Variants in COP1 observed in about 807,000 individuals in gnomAD.
COP1 encodes COP1 E3 ubiquitin ligase.
COP1 carries 24 observed loss-of-function variants against 101.3 expected under a neutral mutation model. The observed-to-expected ratio is 0.24, with a 90% CI of 0.17 to 0.33. The LOEUF (loss-of-function observed/expected upper bound fraction) is 0.33, where lower values mean the gene tolerates loss of function less well. Ranked by LOEUF, COP1 falls within the 10% of genes least tolerant of loss-of-function variation. COP1 has a pLI of 1.00. For synonymous variants in COP1, 347 were observed against 341.9 expected (o/e 1.01, Z -0.17); for missense variants, 663 against 906.2 (o/e 0.73, Z 3.45).
At chr1:176,123,037 G>T (rs954272879) in intron 8 of COP1, among the ~76,000 whole-genome samples, 4 of 152,112 alleles carry the variant, frequency 2.6e-5, no homozygotes, top group Admixed American at 2.0e-4. Flanking sequence ...TGGTTTATTT[G>T]ACTAGTTTGT....
intron 1 of COP1, among the ~76,000 whole-genome samples, chr1:176,200,038 T>C (rs1203297632): frequency 2.6e-5 from 4 of 152,194 alleles, no homozygotes; most frequent in African/African-American, 4.8e-5. Context: ...CTGAGCCAAA[T>C]TGTCTGAATA....
intron 11 of COP1, among the ~76,000 whole-genome samples, chr1:176,063,704 T>C (rs192132475): frequency 6.6e-6 from 1 of 152,338 alleles, no homozygotes; most frequent in East Asian, 1.9e-4. Context: ...TGCCTAAACA[T>C]AGGTTAGCTT....
intron 11 of COP1, among the ~76,000 whole-genome samples, chr1:176,072,077 T>A (rs926186832): frequency 2.8e-4 from 42 of 152,242 alleles, no homozygotes; most frequent in Non-Finnish European, 8.8e-5. Context: ...ATGTTTTGAA[T>A]TACCATAGAA....
chr1:176,168,507 AGGG>A (rs767277667), intron 3 of COP1, among the ~76,000 whole-genome samples: 1 of 1,944 alleles, frequency 5.1e-4, no homozygotes, highest in African/African-American at 7.2e-4. Flanking sequence ...GAAGGAAGGG[AGGG>A]AGGGAGGGAG....
chr1:176,131,398 G>C (rs1475524038), intron 8 of COP1, among the ~76,000 whole-genome samples: 1 of 151,754 alleles, frequency 6.6e-6, no homozygotes, highest in Non-Finnish European at 1.5e-5. Flanking sequence ...GGGAAAGGGA[G>C]AGAATACCAT....
chr1:176,062,167 A>C (rs1283095613), intron 11 of COP1, among the ~76,000 whole-genome samples: 1 of 151,514 alleles, frequency 6.6e-6, no homozygotes, highest in Non-Finnish European at 1.5e-5. Context: ...CGCCTGGATA[A>C]TTTTTTTTGT....
chr1:176,090,222 C>CT (rs1458581160), intron 9 of COP1, among the ~76,000 whole-genome samples: 2 of 152,114 alleles, frequency 1.3e-5, no homozygotes, highest in Non-Finnish European at 2.9e-5. Flanking sequence ...CCTGTCCCTG[C>CT]CTGCTGTCCT....
At chr1:176,130,847 T>C (rs1688762646) in intron 8 of COP1, among the ~76,000 whole-genome samples, 1 of 151,814 alleles carries the variant, frequency 6.6e-6, no homozygotes, top group Non-Finnish European at 1.5e-5. Flanking sequence ...AAGTAATACA[T>C]ATTATAGAAA....
rs754378531 is a variant in COP1, at chr1:176,184,743, C to T, written c.408-51G>A. ...TTTTTTTTTAAAAGTAGAGTGATTACAAATTGGAAAAGACTAGTAACAATA... is the reference window on the plus strand; with the variant it reads ...TTTTTTTTTAAAAGTAGAGTGATTATAAATTGGAAAAGACTAGTAACAATA... On this transcript the variant is annotated intron_variant, in intron 1 of 19. Coordinates refer to ENST00000367669, the MANE Select transcript of COP1 (RefSeq NM_022457.7). The T allele has an allele frequency of 5.8e-5, 80 of 1,369,960 alleles. No individual in the cohort carries two copies. In the South Asian group the frequency reaches 9.0e-4, roughly 15 times the overall value. The allele number at this position is 1,369,960 out of a possible 1,614,324, so 84.9% of individuals were successfully genotyped here.
intron 14 of COP1, among the ~76,000 whole-genome samples, chr1:176,029,441 C>A (rs1341511412): frequency 1.3e-5 from 2 of 152,094 alleles, no homozygotes; most frequent in South Asian, 2.1e-4. Context: ...CATTTTTCAA[C>A]AATAAAAACA....
intron 5 of COP1, among the ~76,000 whole-genome samples, chr1:176,154,874 A>C (rs1436987241): frequency 1.3e-5 from 2 of 152,200 alleles, no homozygotes; most frequent in East Asian, 3.8e-4. Flanking sequence ...CACATTAGTA[A>C]ATTAATATAC....
At chr1:176,061,272 A>G (rs1674789911) in intron 11 of COP1, among the ~76,000 whole-genome samples, 1 of 152,256 alleles carries the variant, frequency 6.6e-6, no homozygotes, top group Admixed American at 6.5e-5. Context: ...GCCAACAGGA[A>G]AAGGTTATCT....
intron 1 of COP1, among the ~76,000 whole-genome samples, chr1:176,202,949 T>C (rs1274796253): frequency 6.6e-6 from 1 of 152,124 alleles, no homozygotes; most frequent in East Asian, 1.9e-4. Flanking sequence ...AGAGAGAATC[T>C]TAGTTTAACA....
At chr1:175,973,873 A>C (rs1653868907) in intron 18 of COP1, among the ~76,000 whole-genome samples, 1 of 152,244 alleles carries the variant, frequency 6.6e-6, no homozygotes, top group Admixed American at 6.5e-5. Context: ...GTGAGCAGCA[A>C]GATCTACAGC....
chr1:176,193,493 TAGAC>T (rs755732872), intron 1 of COP1, among the ~76,000 whole-genome samples: 2 of 152,114 alleles, frequency 1.3e-5, no homozygotes, highest in Non-Finnish European at 2.9e-5. Flanking sequence ...TTATTCATAA[TAGAC>T]AGAAAGTGGA....
At chr1:176,021,473 T>C (rs948436878) in intron 15 of COP1, among the ~76,000 whole-genome samples, 5 of 152,206 alleles carry the variant, frequency 3.3e-5, no homozygotes, top group Non-Finnish European at 5.9e-5. Context: ...ATTAATCTCT[T>C]TTTTGTACAC....
intron 11 of COP1, among the ~76,000 whole-genome samples, chr1:176,079,533 C>G (rs1346670582): frequency 6.6e-6 from 1 of 151,380 alleles, no homozygotes; most frequent in African/African-American, 2.4e-5. Flanking sequence ...TTGTTGTGTA[C>G]CTATGCTCAC....
intron 9 of COP1, among the ~76,000 whole-genome samples, chr1:176,100,762 G>C (rs1056156233): frequency 6.6e-6 from 1 of 152,080 alleles, no homozygotes; most frequent in Admixed American, 6.6e-5. Flanking sequence ...CCAGTTATCT[G>C]GGGTGTCACA....
At chr1:175,973,004 G>T (rs962687891) in intron 18 of COP1, among the ~76,000 whole-genome samples, 6 of 150,974 alleles carry the variant, frequency 4.0e-5, no homozygotes, top group South Asian at 2.1e-4. Flanking sequence ...GGGTAATTTT[G>T]TATTTTCAGT....
Sources: allele counts gnomAD v4.1 joint callset (sites outside exome capture counted in the v4.1 genomes callset), GRCh38; gene constraint gnomAD v4.1.1; transcripts MANE v1.5; gene names NCBI Gene and HGNC (gene_info 2026-07-23, HGNC 2026-07-21).